Variants in CMKLR1 observed in about 807,000 individuals in gnomAD.
CMKLR1 encodes the protein chemerin-like receptor 1.
CMKLR1 carries 6 observed loss-of-function variants against 8.2 expected under a neutral mutation model. The observed-to-expected ratio is 0.73, with a 90% CI of 0.40 to 1.44. The LOEUF is 1.44. CMKLR1 is among the 40% of genes most tolerant of loss of function. The probability of loss-of-function intolerance (pLI) is 0.02; values close to 1 mark genes in which losing one functional copy is unlikely to be tolerated. For missense variants in CMKLR1, 429 were observed against 478.0 expected (o/e 0.90, Z 0.96); for synonymous variants, 178 against 181.2 (o/e 0.98, Z 0.14).
chr12:108,306,576 G>C (rs73407494), intron 2 of CMKLR1, among the ~76,000 whole-genome samples: 1 of 152,128 alleles, frequency 6.6e-6, no homozygotes, highest in Admixed American at 6.5e-5. Flanking sequence ...CTCCTAACTG[G>C]TTAGAAACCT....
At chr12:108,293,556 C>A (rs1448480684) in intron 3 of CMKLR1, 33 bp downstream of exon 3, 2 of 1,551,278 alleles carry the variant, frequency 1.3e-6, no homozygotes, top group Non-Finnish European at 1.7e-6. Context: ...GTCACTGGTG[C>A]CCTTTGGAGT....
chr12:108,291,344 A>C lies in CMKLR1; in HGVS notation c.*497T>G, dbSNP rs1168373522. 2 of 156,132 alleles carry C rather than the reference A, an allele frequency of 1.3e-5. No individual in the cohort carries two copies. Among genetic ancestry groups the C allele is most frequent in the African/African-American group, 2.4e-5 (1 of 41,444 alleles). 9.7% of individuals were successfully genotyped at this position (156,132 alleles called of 1,614,324 possible). ...TCTCCCAGATCACCTATGCATTTCC[A>C]CATACTTTAACACAGAGCAGTGACT... On this transcript the variant is annotated 3_prime_UTR_variant, in exon 4 of 4. Coordinates refer to ENST00000550402, the MANE Select transcript of CMKLR1 (RefSeq NM_001142343.2).
Position 108,330,169 on chromosome 12 carries a change from C to A in CMKLR1, c.-248G>T, listed in dbSNP as rs1892072550. On this transcript the variant is annotated 5_prime_UTR_variant, in exon 2 of 4. In the 5' UTR this introduces an upstream ATG that the reference lacks. Transcript: ENST00000550402. Reference sequence around the variant, plus strand: ...TCATTGTTGCAGAGCCCTGAGCCTCCTGGTAGAAAAATCCAAGCAGTTCTG... The same window carrying A: ...TCATTGTTGCAGAGCCCTGAGCCTCATGGTAGAAAAATCCAAGCAGTTCTG... The A allele has an allele frequency of 6.6e-6, 1 of 152,156 alleles. No homozygotes were observed. The highest frequency in any genetic ancestry group is 2.1e-4 in the South Asian group (1 of 4,822). The allele number at this position is 152,156 out of a possible 1,614,324, so 9.4% of individuals were successfully genotyped here. A position where few individuals can be genotyped will look rare whatever the true frequency, so the allele number is the denominator to read the frequency against.
intron 2 of CMKLR1, among the ~76,000 whole-genome samples, chr12:108,296,620 G>GT (rs1218130294): frequency 6.6e-6 from 1 of 152,194 alleles, no homozygotes; most frequent in Non-Finnish European, 1.5e-5. Flanking sequence ...GAGGCCAGGA[G>GT]TTTGAGACCA....
At chr12:108,324,855 C>T (rs906486000) in intron 2 of CMKLR1, among the ~76,000 whole-genome samples, 6 of 119,428 alleles carry the variant, frequency 5.0e-5, no homozygotes, top group African/African-American at 1.6e-4. Flanking sequence ...CCTGAGCATG[C>T]TTCCTCCCAC....
At chr12:108,302,509 G>A (rs1417088138) in intron 2 of CMKLR1, among the ~76,000 whole-genome samples, 1 of 152,088 alleles carries the variant, frequency 6.6e-6, no homozygotes, top group African/African-American at 2.4e-5. Context: ...GAGGAGGCCA[G>A]GCAGGGGTGC....
At position 108,291,294 on chromosome 12, in the gene CMKLR1, T is replaced by C. The variant is rs540234660; in HGVS notation, c.*547A>G. On this transcript the variant is annotated 3_prime_UTR_variant, in exon 4 of 4. Transcript: ENST00000550402. ...AAAGCCAAATTCATGGCCTATGGAG[T>C]TCATGGGCTGATATGTCACCTTCCT... is the stretch of plus-strand genomic sequence containing the variant. The C allele has an allele frequency of 1.6e-3, 249 of 154,214 alleles. No individual in the cohort carries two copies. Among genetic ancestry groups the C allele is most frequent in the Admixed American group, 2.3e-3 (36 of 15,604 alleles). 9.6% of individuals were successfully genotyped at this position (154,214 alleles called of 1,614,324 possible). A position where few individuals can be genotyped will look rare whatever the true frequency, so the allele number is the denominator to read the frequency against.
At chr12:108,293,011 G>T in intron 3 of CMKLR1, 52 bp from the exon 4 acceptor site, 1 of 1,522,510 alleles carries the variant, frequency 6.6e-7, no homozygotes, top group Admixed American at 2.0e-5. Flanking sequence ...GGCTTTAAGA[G>T]GTTGACCAAT....
chr12:108,315,599 C>T (rs1468600364), intron 2 of CMKLR1, among the ~76,000 whole-genome samples: 1 of 152,144 alleles, frequency 6.6e-6, no homozygotes, highest in Non-Finnish European at 1.5e-5. Context: ...ACCATGATCC[C>T]CATTTGACAG....
At chr12:108,323,696 T>C (rs574413874) in intron 2 of CMKLR1, among the ~76,000 whole-genome samples, 7 of 152,216 alleles carry the variant, frequency 4.6e-5, no homozygotes, top group African/African-American at 1.4e-4. Context: ...TGTGTAGGAC[T>C]TGGGGTGCAG....
chr12:108,334,944 A>G (rs946551966), intron 1 of CMKLR1, among the ~76,000 whole-genome samples: 1 of 152,314 alleles, frequency 6.6e-6, no homozygotes. Context: ...TCCAGGGGGA[A>G]AAGAGAATGG....
At chr12:108,305,214 G>T (rs929071234) in intron 2 of CMKLR1, among the ~76,000 whole-genome samples, 6 of 152,184 alleles carry the variant, frequency 3.9e-5, no homozygotes, top group African/African-American at 1.4e-4. Context: ...AACTGTGCCT[G>T]GGACTTCCAT....
intron 3 of CMKLR1, 36 bp downstream of exon 3, chr12:108,293,553 G>C (rs1171425628): frequency 3.9e-6 from 6 of 1,551,214 alleles, no homozygotes; most frequent in Admixed American, 2.0e-5. Context: ...GTGGTCACTG[G>C]TGCCCTTTGG....
At chr12:108,328,969 G>C (rs1431155418) in intron 2 of CMKLR1, among the ~76,000 whole-genome samples, 1 of 152,192 alleles carries the variant, frequency 6.6e-6, no homozygotes, top group Non-Finnish European at 1.5e-5. Context: ...GGGAGTGGTG[G>C]GAGGGGGACC....
rs753741883 is a variant in CMKLR1, at chr12:108,308,593, G to C, written c.-73-14929C>G. Reference sequence around the variant, plus strand: ...AGTGTGCTCAGCATGGGTCCAGGGAGCTGGGAATGAGGTTTGGCACCTCTT... The same window carrying C: ...AGTGTGCTCAGCATGGGTCCAGGGACCTGGGAATGAGGTTTGGCACCTCTT... On this transcript the variant is annotated intron_variant, in intron 2 of 3. Transcript: ENST00000550402. 2.0e-5 allele frequency among the ~76,000 whole-genome samples: 3 copies of C among 152,316 alleles called. No individual in the cohort carries two copies. In the South Asian group the frequency reaches 6.2e-4, roughly 32 times the overall value.
chr12:108,306,749 G>A (rs1891418289), intron 2 of CMKLR1, among the ~76,000 whole-genome samples: 1 of 152,180 alleles, frequency 6.6e-6, no homozygotes, highest in Non-Finnish European at 1.5e-5. Flanking sequence ...CTGCCTACCT[G>A]AGGACTGAGC....
intron 1 of CMKLR1, among the ~76,000 whole-genome samples, chr12:108,333,360 GC>G (rs1892151110): frequency 6.6e-6 from 1 of 152,128 alleles, no homozygotes; most frequent in Non-Finnish European, 1.5e-5. Flanking sequence ...GAGGCCCAGG[GC>G]ACTCTCCACC....
Position 108,301,534 on chromosome 12 carries a change from C to T in CMKLR1, c.-73-7870G>A, listed in dbSNP as rs7300827. Among the ~76,000 whole-genome samples the T allele has an allele frequency of 9.3e-3, 1,410 of 152,306 alleles. 17 individuals carry two copies. Among genetic ancestry groups the T allele is most frequent in the African/African-American group, 0.032 (1,343 of 41,550 alleles). ...TATGTAACATGTGTTCATCCTCCACCAGCCCCCAGCTCAGTGCCTGGCACA... is the reference window on the plus strand; with the variant it reads ...TATGTAACATGTGTTCATCCTCCACTAGCCCCCAGCTCAGTGCCTGGCACA... On this transcript the variant is annotated intron_variant, in intron 2 of 3. Coordinates refer to ENST00000550402, the MANE Select transcript of CMKLR1 (RefSeq NM_001142343.2).
intron 2 of CMKLR1, among the ~76,000 whole-genome samples, chr12:108,303,306 C>T (rs1264422911): frequency 1.3e-5 from 2 of 152,240 alleles, no homozygotes; most frequent in South Asian, 2.1e-4. Flanking sequence ...CCCACACCCC[C>T]GCTGCCGGAC....
Sources: allele counts gnomAD v4.1 joint callset (sites outside exome capture counted in the v4.1 genomes callset), GRCh38; gene constraint gnomAD v4.1.1; transcripts MANE v1.5; gene names NCBI Gene and HGNC (gene_info 2026-07-23, HGNC 2026-07-21).